The following MCF2L variants were observed in gnomAD, a reference collection of about 807,000 sequenced individuals.
MCF2L encodes the protein guanine nucleotide exchange factor DBS.
Under a neutral mutation model 153.4 loss-of-function variants are expected in MCF2L, and 97 were observed. The ratio of observed to expected loss-of-function variants is 0.63; its 90% confidence interval spans 0.54 to 0.75. The LOEUF (loss-of-function observed/expected upper bound fraction) is 0.75. Among genes scored for constraint, MCF2L ranks in the 30% least tolerant of loss-of-function variants. The pLI is 0.00. For missense variants in MCF2L, 1,347 were observed against 1,495.2 expected (o/e 0.90, Z 1.64); for synonymous variants, 659 against 632.2 (o/e 1.04, Z -0.64).
Position 113,054,348 on chromosome 13 carries a change from C to T in MCF2L, c.370-6245C>T, listed in dbSNP as rs1031301735. On this transcript the variant is annotated intron_variant, in intron 4 of 29. Coordinates refer to ENST00000535094, the MANE Select transcript of MCF2L (RefSeq NM_001112732.3). This position sits in a 1 kb window ranked among gnomAD's most constrained non-coding sequence, Gnocchi z 5.2. The stretch of plus-strand genomic sequence containing the variant: ...TAGAGGACCAGTCCCCAAACGGCCG[C>T]GCTTTTAGGATTGGTTTTAGGAGTG... 3.0e-5 allele frequency: 5 copies of T among 167,684 alleles called. No homozygotes were observed. The highest frequency in any genetic ancestry group is 2.1e-4 in the South Asian group (1 of 4,834). The allele number at this position is 167,684 out of a possible 1,614,324, so 10.4% of individuals were successfully genotyped here. A position where few individuals can be genotyped will look rare whatever the true frequency, so the allele number is the denominator to read the frequency against.
At position 113,070,921 on chromosome 13, in the gene MCF2L, A is replaced by G. The variant is rs967193453; in HGVS notation, c.996+748A>G. ...ATATACTGATGTTGGTGTAAATGTA[A>G]GTTTTCATTTCTTGGGCTTAAGTGC... On this transcript the variant is annotated intron_variant, in intron 9 of 29. Coordinates refer to ENST00000535094, the MANE Select transcript of MCF2L (RefSeq NM_001112732.3). The surrounding 1 kb of genome is among the most constrained non-coding windows in gnomAD (Gnocchi z 5.6). Among the ~76,000 whole-genome samples the G allele has an allele frequency of 1.3e-5, 2 of 152,220 alleles. No homozygotes were observed. The highest frequency in any genetic ancestry group is 4.8e-5 in the African/African-American group (2 of 41,460).
chr13:113,078,323 C>T, intron 13 of MCF2L, 40 bp from the exon 14 acceptor site: 1 of 1,509,534 alleles, frequency 6.6e-7, no homozygotes, highest in Non-Finnish European at 9.2e-7. Context: ...TCCAGAGGGT[C>T]AGAGGGGACT....
At chr13:112,915,200 G>A (rs972795457) in intron 2 of MCF2L, among the ~76,000 whole-genome samples, 1 of 151,822 alleles carries the variant, frequency 6.6e-6, no homozygotes, top group Non-Finnish European at 1.5e-5. Context: ...ACAAGGTCAG[G>A]AGATCGAGAC....
At chr13:113,084,489 A>G (rs1755693) in intron 18 of MCF2L, 189,479 of 305,342 alleles carry the variant, frequency 0.62, 60,151 homozygotes, top group Non-Finnish European at 0.67. Context: ...GCACTTCACA[A>G]TGGGGCTAGG....
At chr13:113,044,057 A>G (rs2086657600) in intron 3 of MCF2L, 1 of 157,450 alleles carries the variant, frequency 6.4e-6, no homozygotes, top group Non-Finnish European at 1.4e-5. Context: ...TCAGAAAACG[A>G]ATTCTGTCTG....
At chr13:113,042,385 C>T (rs1239230632) in intron 3 of MCF2L, 1 of 152,256 alleles carries the variant, frequency 6.6e-6, no homozygotes, top group Non-Finnish European at 1.5e-5. Flanking sequence ...ATTTATGACA[C>T]CTTAGATTTC....
At chr13:112,919,331 A>G (rs896852257) in intron 2 of MCF2L, among the ~76,000 whole-genome samples, 35 of 146,156 alleles carry the variant, frequency 2.4e-4, no homozygotes, top group East Asian at 6.1e-4. Context: ...TCAGCCTCCC[A>G]AGTAGCTGGG....
intron 2 of MCF2L, among the ~76,000 whole-genome samples, chr13:112,923,257 CTTTTTTTTTTTT>C (rs57030206): frequency 1.3e-5 from 1 of 78,446 alleles, no homozygotes; most frequent in Non-Finnish European, 2.3e-5. Context: ...GTGTTTGCTT[CTTTTTTTTTTTT>C]TTTTTTTTTT....
In MCF2L at chr13:113,082,378, C is replaced by A. The variant is rs200835928; in HGVS notation, c.1876-49C>A. ...GGCATCCCTGGCCCACCTGCCCCCCCACAGCATCAGGCCCAGGACCCCCGC... is the reference window on the plus strand; with the variant it reads ...GGCATCCCTGGCCCACCTGCCCCCCAACAGCATCAGGCCCAGGACCCCCGC... On this transcript the variant is annotated intron_variant, in intron 16 of 29. Transcript: ENST00000535094. 1.6e-4 allele frequency: 183 copies of A among 1,132,544 alleles called. 3 individuals carry two copies. Among genetic ancestry groups the A allele is most frequent in the South Asian group, 1.0e-3 (83 of 80,900 alleles). The allele number at this position is 1,132,544 out of a possible 1,614,324, so 70.2% of individuals were successfully genotyped here. A position where few individuals can be genotyped will look rare whatever the true frequency, so the allele number is the denominator to read the frequency against.
upstream of MCF2L, chr13:112,968,455 G>T (rs779612497): frequency 6.3e-7 from 1 of 1,587,024 alleles, no homozygotes; most frequent in Admixed American, 1.7e-5. Context: ...AGTGTGGCTT[G>T]GTGCCAACCA....
intron 1 of MCF2L, among the ~76,000 whole-genome samples, chr13:112,986,038 C>T (rs1594490449): frequency 6.6e-6 from 1 of 152,250 alleles, no homozygotes; most frequent in East Asian, 1.9e-4. Context: ...CAGGGCCGTG[C>T]GTGGGGCTGA....
chr13:113,058,434 A>G (rs1305101917), intron 4 of MCF2L, among the ~76,000 whole-genome samples: 330 of 74,382 alleles, frequency 4.4e-3, no homozygotes, highest in Middle Eastern at 0.02. Flanking sequence ...TGTGTGTTTG[A>G]GTGCTGTGTG....
intron 1 of MCF2L, among the ~76,000 whole-genome samples, chr13:112,981,118 C>T (rs1384726733): frequency 6.6e-6 from 1 of 151,654 alleles, no homozygotes; most frequent in Non-Finnish European, 1.5e-5. Context: ...CACTGGGGAC[C>T]CCAAGACGTC....
chr13:113,090,058 T>C (rs1392362986), intron 26 of MCF2L: 19 of 1,568,992 alleles, frequency 1.2e-5, no homozygotes, highest in Non-Finnish European at 1.6e-5. Flanking sequence ...TTCTTTCTCT[T>C]CCTTCATAGA....
At chr13:113,090,184 C>A in intron 26 of MCF2L, 2 of 1,512,254 alleles carry the variant, frequency 1.3e-6, no homozygotes, top group Non-Finnish European at 1.8e-6. Flanking sequence ...CTGCCCCAAA[C>A]CCACCCTCAC....
chr13:113,002,757 C>T (rs776659168), intron 1 of MCF2L, among the ~76,000 whole-genome samples: 2 of 152,184 alleles, frequency 1.3e-5, no homozygotes, highest in East Asian at 1.9e-4. Flanking sequence ...TATTTTCCAG[C>T]GGGTACTTAT....
Position 113,096,433 on chromosome 13 carries a change from G to A in MCF2L, c.3138G>A (p.Val1046=). ...AGGGAGGCCCCGATGCGCTGCGCGT[G>A]AGGAGCGGGGACGTGGTGGAGCTGG... ...HEKGGPDALR[V]RSGDVVELVQ... Residue 1046 remains valine, a synonymous_variant, in exon 28 of 30, where the codon GTG becomes GTA. Coordinates refer to ENST00000535094, the MANE Select transcript of MCF2L (RefSeq NM_001112732.3). The A allele has an allele frequency of 6.3e-7, 1 of 1,595,718 alleles. No individual in the cohort carries two copies. Among genetic ancestry groups the A allele is most frequent in the Non-Finnish European group, 8.5e-7 (1 of 1,172,442 alleles).
At chr13:112,905,703 C>A (rs952623337) in intron 2 of MCF2L, among the ~76,000 whole-genome samples, 1 of 152,140 alleles carries the variant, frequency 6.6e-6, no homozygotes, top group Non-Finnish European at 1.5e-5. Flanking sequence ...TGTGTTGTAC[C>A]GTGTGACACA....
In MCF2L at chr13:113,064,152, G is replaced by A. The variant is rs1303416490; in HGVS notation, c.490-152G>A. Reference sequence around the variant, plus strand: ...CTGCATCCCATCCGCACATCCATCCGCAGTGTCCAGGTGCCCCCACCCACA... The same window carrying A: ...CTGCATCCCATCCGCACATCCATCCACAGTGTCCAGGTGCCCCCACCCACA... On this transcript the variant is annotated intron_variant, in intron 5 of 29. Coordinates refer to ENST00000535094, the MANE Select transcript of MCF2L (RefSeq NM_001112732.3). This position sits in a 1 kb window ranked among gnomAD's most constrained non-coding sequence, Gnocchi z 6.0. 1.7e-5 allele frequency: 12 copies of A among 697,564 alleles called. No individual in the cohort carries two copies. Among genetic ancestry groups the A allele is most frequent in the Middle Eastern group, 3.0e-4 (1 of 3,320 alleles). 43.2% of individuals were successfully genotyped at this position (697,564 alleles called of 1,614,324 possible).
Sources: gnomAD v4.1 joint callset for allele counts (sites outside exome capture counted in the v4.1 genomes callset) on GRCh38, gnomAD v4.1.1 for gene constraint, Gnocchi (gnomAD v3.1) non-coding constraint, MANE v1.5 for transcripts, NCBI Gene and HGNC (gene_info 2026-07-23, HGNC 2026-07-21) for gene names.